Variants in RARB observed in about 807,000 individuals in gnomAD.
RARB encodes HBV-activated protein.
RARB carries 17 observed loss-of-function variants against 51.9 expected under a neutral mutation model. That is an observed-to-expected ratio of 0.33 (90% CI 0.22 to 0.49). The LOEUF is 0.49. Among genes scored for constraint, RARB ranks in the 20% least tolerant of loss-of-function variants. The probability of loss-of-function intolerance (pLI) is 0.99; values close to 1 mark genes in which losing one functional copy is unlikely to be tolerated. For missense variants in RARB, 369 were observed against 550.8 expected (o/e 0.67, Z 3.30); for synonymous variants, 215 against 195.4 (o/e 1.10, Z -0.84).
At chr3:25,118,172 G>T (rs1015264445) in intron 3 of RARB, among the ~76,000 whole-genome samples, 1 of 152,182 alleles carries the variant, frequency 6.6e-6, no homozygotes, top group African/African-American at 2.4e-5. Flanking sequence ...ATAATGTCAT[G>T]AATGGTGTCC....
chr3:25,488,093 A>G (rs1257406391), intron 2 of RARB, among the ~76,000 whole-genome samples: 1 of 152,230 alleles, frequency 6.6e-6, no homozygotes, highest in Non-Finnish European at 1.5e-5. Context: ...CCCAAAGTCT[A>G]GGGACTGTGC....
chr3:25,219,075 G>A (rs1701891439), intron 5 of RARB, among the ~76,000 whole-genome samples: 3 of 152,108 alleles, frequency 2.0e-5, no homozygotes, highest in Non-Finnish European at 4.4e-5. Flanking sequence ...TATTTATTTA[G>A]CATCTACTAT....
chr3:25,092,378 C>CA (rs11284240), intron 3 of RARB, among the ~76,000 whole-genome samples: 3 of 151,780 alleles, frequency 2.0e-5, no homozygotes, highest in East Asian at 1.9e-4. Flanking sequence ...TAAAACAAAA[C>CA]AAAAAAACCT....
intron 3 of RARB, among the ~76,000 whole-genome samples, chr3:25,509,744 G>A (rs919350131): frequency 3.3e-5 from 5 of 152,134 alleles, no homozygotes; most frequent in Non-Finnish European, 5.9e-5. Flanking sequence ...TCCTTCCTCA[G>A]TCAGCTCAAG....
chr3:24,913,405 T>C (rs113762523), intron 2 of RARB, among the ~76,000 whole-genome samples: 20,830 of 136,288 alleles, frequency 0.15, 986 homozygotes, highest in African/African-American at 0.21. Context: ...TCTCTCTCTT[T>C]TTTTTTTTTT....
chr3:25,200,404 C>T (rs1409588260), intron 5 of RARB, among the ~76,000 whole-genome samples: 1 of 151,996 alleles, frequency 6.6e-6, no homozygotes, highest in African/African-American at 2.4e-5. Context: ...CCTGTTCACT[C>T]TGATGGTAGT....
chr3:25,471,390 C>G (rs185866544), intron 2 of RARB, among the ~76,000 whole-genome samples: 334 of 152,312 alleles, frequency 2.2e-3, no homozygotes, highest in Middle Eastern at 6.8e-3. Context: ...CGAGGAACCT[C>G]AAGACAGCTG....
chr3:24,871,568 A>G (rs1702948790), intron 2 of RARB, among the ~76,000 whole-genome samples: 1 of 152,150 alleles, frequency 6.6e-6, no homozygotes, highest in Admixed American at 6.6e-5. Flanking sequence ...TCATTTATCA[A>G]CATTTACGTT....
chr3:25,381,774 C>T (rs9876345), intron 5 of RARB, among the ~76,000 whole-genome samples: 69,211 of 151,978 alleles, frequency 0.46, 16,029 homozygotes, highest in East Asian at 0.74. Context: ...CTATCTCTGC[C>T]CTACCCCTGG....
intron 5 of RARB, among the ~76,000 whole-genome samples, chr3:25,300,869 TG>T (rs1704022211): frequency 6.6e-6 from 1 of 151,694 alleles, no homozygotes; most frequent in Non-Finnish European, 1.5e-5. Context: ...TGGTGGCGGG[TG>T]CCTGTAATCC....
chr3:25,216,942 A>G (rs1027724151), intron 5 of RARB, among the ~76,000 whole-genome samples: 3 of 151,806 alleles, frequency 2.0e-5, no homozygotes, highest in Admixed American at 6.6e-5. Context: ...TGGCCTATGT[A>G]TTTTTTACAA....
chr3:24,957,196 C>G (rs903835669), intron 2 of RARB, among the ~76,000 whole-genome samples: 1 of 152,166 alleles, frequency 6.6e-6, no homozygotes, highest in East Asian at 1.9e-4. Flanking sequence ...CAAAGCACCA[C>G]AGAATCCAAC....
chr3:25,301,751 C>G (rs1704044091), intron 5 of RARB, among the ~76,000 whole-genome samples: 1 of 152,168 alleles, frequency 6.6e-6, no homozygotes, highest in Non-Finnish European at 1.5e-5. Flanking sequence ...CTTGCGGTGG[C>G]AGTTTCCATT....
At chr3:24,921,079 T>G (rs1278318017) in intron 2 of RARB, among the ~76,000 whole-genome samples, 2 of 152,182 alleles carry the variant, frequency 1.3e-5, no homozygotes, top group Non-Finnish European at 1.5e-5. Context: ...CACCTGTCTG[T>G]TCTATAGACA....
intron 2 of RARB, among the ~76,000 whole-genome samples, chr3:25,054,351 T>C (rs1295399048): frequency 1.3e-5 from 2 of 152,128 alleles, no homozygotes; most frequent in Non-Finnish European, 2.9e-5. Context: ...GGGGGAGCCA[T>C]GTGAATGCCT....
chr3:25,168,244 G>A (rs945409331), intron 4 of RARB, among the ~76,000 whole-genome samples: 5 of 152,016 alleles, frequency 3.3e-5, no homozygotes, highest in South Asian at 2.1e-4. Flanking sequence ...TTTTTGAGAT[G>A]GAGTGTTGCT....
chr3:25,175,203 C>T (rs1700719914), intron 5 of RARB, among the ~76,000 whole-genome samples: 1 of 152,226 alleles, frequency 6.6e-6, no homozygotes, highest in Non-Finnish European at 1.5e-5. Context: ...ACTGATATGA[C>T]TTCCACATTG....
At chr3:25,585,273 T>C (rs1461239781) in intron 5 of RARB, among the ~76,000 whole-genome samples, 1 of 152,192 alleles carries the variant, frequency 6.6e-6, no homozygotes, top group Non-Finnish European at 1.5e-5. Context: ...AGTCGCACTA[T>C]GCCCTCAGGG....
intron 3 of RARB, among the ~76,000 whole-genome samples, chr3:25,512,016 T>C (rs1057445007): frequency 6.6e-6 from 1 of 152,196 alleles, no homozygotes; most frequent in Non-Finnish European, 1.5e-5. Context: ...CTCTGTGTGA[T>C]CTTGGGCAGG....
Sources: gnomAD v4.1 joint callset for allele counts (sites outside exome capture counted in the v4.1 genomes callset) on GRCh38, gnomAD v4.1.1 for gene constraint, MANE v1.5 for transcripts, NCBI Gene and HGNC (gene_info 2026-07-23, HGNC 2026-07-21) for gene names.